Variants in SLC27A5 observed in about 807,000 individuals in gnomAD.
SLC27A5 encodes long-chain fatty acid transport protein 5.
In SLC27A5, 47 loss-of-function variants were observed where a neutral mutation model predicts 63.1. That is an observed-to-expected ratio of 0.74 (90% CI 0.59 to 0.95). SLC27A5 has a LOEUF of 0.95. SLC27A5 is among the 40% of genes least tolerant of loss of function. The pLI is 0.00. For missense variants in SLC27A5, 940 were observed against 921.0 expected (o/e 1.02, Z -0.27); for synonymous variants, 391 against 403.8 (o/e 0.97, Z 0.38).
intron 2 of SLC27A5, 100 bp downstream of exon 2, chr19:58,510,621 A>T: frequency 9.9e-7 from 1 of 1,015,140 alleles, no homozygotes; most frequent in Non-Finnish European, 1.4e-6. Context: ...ATCAGAGGGT[A>T]AAGTGGTTTC....
In SLC27A5 at chr19:58,511,614, G is replaced by C. The variant is rs749479834; in HGVS notation, c.342C>G (p.Asp114Glu). ...IRGCLSRQPP[D>E]TFVDAFERRA... ...GCCGCTCGAAGGCATCTACAAAGGT[G>C]TCAGGCGGCTGCCGGCTCAAGCATC... The change falls in exon 1 of 10, where the codon GAC (aspartate) becomes GAG (glutamate). Residue 114 changes from aspartate to glutamate, a missense_variant. Asp to Glu is a conservative substitution (Grantham distance 45). Transcript: ENST00000263093. The C allele has an allele frequency of 6.3e-7, 1 of 1,595,648 alleles. No individual in the cohort carries two copies.
rs1282438176 is a variant in SLC27A5, at chr19:58,509,868, T to G, written c.1036A>C (p.Ile346Leu). Residue 346 changes from isoleucine (I) to leucine (L), a missense_variant, in exon 3 of 10, where the codon ATC becomes CTC. Transcript: ENST00000263093. ...TTACCGAGATCTAAGCAGCCGAGGA[T>G]CCCAACGACAAGTCCCATCACGTGG... Reference protein sequence around the residue: ...LYHVMGLVVGILGCLDLGATC... With the variant: ...LYHVMGLVVGLLGCLDLGATC... 6 of 1,612,438 alleles carry G rather than the reference T, an allele frequency of 3.7e-6. No individual in the cohort carries two copies. In the African/African-American group the frequency reaches 8.0e-5, roughly 22 times the overall value.
Position 58,501,374 on chromosome 19 carries a change from G to A in SLC27A5, c.1094C>T (p.Ser365Phe), listed in dbSNP as rs759500940. 1.9e-6 allele frequency: 3 copies of A among 1,613,624 alleles called. No individual in the cohort carries two copies. The highest frequency in any genetic ancestry group is 2.5e-6 in the Non-Finnish European group (3 of 1,179,794). Residue 365 changes from serine (S) to phenylalanine (F), a missense_variant, in exon 4 of 10, where the codon TCC becomes TTC. Coordinates refer to ENST00000263093, the MANE Select transcript of SLC27A5 (RefSeq NM_012254.3). The part of the protein sequence containing the change: ...TCVLAPKFST[S>F]CFWDDCRQHG... ...CTGCCGACAGTCATCCCAGAAGCAG[G>A]AAGTAGAGAACTTGGGGGCCAGAAC... is the stretch of plus-strand genomic sequence containing the variant.
At position 58,511,270 on chromosome 19, in the gene SLC27A5, G is replaced by C. The variant is rs1387581759; in HGVS notation, c.686C>G (p.Pro229Arg). Residue 229 changes from proline to arginine, a missense_variant and splice_region_variant, in exon 1 of 10, where the codon CCA (proline) becomes CGA (arginine). Pro to Arg is a moderately radical substitution (Grantham distance 103). Transcript: ENST00000263093. ...TCCACTGGCTCCAAGGCCCTCACCT[G>C]GGTCCACCACCAGCACCCGGGCCCC... is the stretch of plus-strand genomic sequence containing the variant. ...SSGARVLVVDPDLRESLEEIL... is the reference protein window; with the variant it reads ...SSGARVLVVDRDLRESLEEIL... The C allele has an allele frequency of 1.9e-6, 3 of 1,541,516 alleles. No individual in the cohort carries two copies. Among genetic ancestry groups the C allele is most frequent in the Non-Finnish European group, 2.6e-6 (3 of 1,140,262 alleles).
rs559736570 is a variant in SLC27A5, at chr19:58,499,386, C to A, written c.1667+106G>T. ...TGAGAAGTCCTGACTCCAAGTTCCG[C>A]CCTCTTACGACAGGAAAGTCCCGCC... is the stretch of plus-strand genomic sequence containing the variant. On this transcript the variant is annotated intron_variant, in intron 7 of 9. Transcript: ENST00000263093. The A allele has an allele frequency of 3.4e-4, 474 of 1,389,062 alleles. 2 individuals are homozygous for A. The African/African-American group carries it at 5.7e-3, about 17-fold the overall frequency. 86.0% of individuals were successfully genotyped at this position (1,389,062 alleles called of 1,614,324 possible). A position where few individuals can be genotyped will look rare whatever the true frequency, so the allele number is the denominator to read the frequency against.
chr19:58,503,914 A>T (rs112542043), intron 3 of SLC27A5, among the ~76,000 whole-genome samples: 1,660 of 152,296 alleles, frequency 0.011, 32 homozygotes, highest in African/African-American at 0.037. Flanking sequence ...GAAGTTCAAG[A>T]CCAGACTGGC....
intron 1 of SLC27A5, 39 bp from the exon 2 acceptor site, chr19:58,510,969 C>T (rs1441504901): frequency 2.0e-5 from 30 of 1,512,768 alleles, no homozygotes; most frequent in Non-Finnish European, 2.5e-5. Context: ...AGGCAAGGCT[C>T]ACCTTTGAGG....
chr19:58,501,039 G>A (rs895455236), intron 4 of SLC27A5: 2 of 1,218,924 alleles, frequency 1.6e-6, no homozygotes, highest in Non-Finnish European at 2.1e-6. Flanking sequence ...ATTTTTAATG[G>A]AAATTCTCAT....
Position 58,511,444 on chromosome 19 carries a change from G to A in SLC27A5, c.512C>T (p.Ala171Val). 2.5e-6 allele frequency: 4 copies of A among 1,600,068 alleles called. No individual in the cohort carries two copies. The highest frequency in any genetic ancestry group is 3.4e-6 in the Non-Finnish European group (4 of 1,173,720). Residue 171 changes from alanine (A) to valine (V), a missense_variant, in exon 1 of 10, where the codon GCC (alanine) becomes GTC (valine). Coordinates refer to ENST00000263093, the MANE Select transcript of SLC27A5 (RefSeq NM_012254.3). The stretch of plus-strand genomic sequence containing the variant: ...CACAAGGAGGGCAGTAGGCTCCCCG[G>A]CACACAGGCTCGCAGGGTCACCCAG... The part of the protein sequence containing the change: ...AELGDPASLC[A>V]GEPTALLVLA...
rs752583756 is a variant in SLC27A5 at position 58,501,393 on chromosome 19, C to G, written c.1075G>C (p.Ala359Pro). The part of the protein sequence containing the change: ...CLDLGATCVL[A>P]PKFSTSCFWD... Reference sequence around the variant, plus strand: ...AAGCAGGAAGTAGAGAACTTGGGGGCCAGAACACAGGTGGCTCCTGGGAGA... The same window carrying G: ...AAGCAGGAAGTAGAGAACTTGGGGGGCAGAACACAGGTGGCTCCTGGGAGA... Residue 359 changes from alanine (A) to proline (P), a missense_variant, in exon 4 of 10, where the codon GCC becomes CCC. Ala to Pro is a conservative substitution (Grantham distance 27). Coordinates refer to ENST00000263093, the MANE Select transcript of SLC27A5 (RefSeq NM_012254.3). 1 of 1,613,360 alleles carries G rather than the reference C, an allele frequency of 6.2e-7. No individual in the cohort carries two copies. The highest frequency in any genetic ancestry group is 1.3e-5 in the African/African-American group (1 of 75,000).
chr19:58,510,189 G>C, intron 2 of SLC27A5, 184 bp from the exon 3 acceptor site: 1 of 553,494 alleles, frequency 1.8e-6, no homozygotes, highest in Non-Finnish European at 3.1e-6. Context: ...AATATGTCAA[G>C]ATCAAAGGTT....
At chr19:58,508,249 T>TA (rs1404884609) in intron 3 of SLC27A5, 1 of 152,136 alleles carries the variant, frequency 6.6e-6, no homozygotes, top group Non-Finnish European at 1.5e-5. Context: ...GGCCAGCACT[T>TA]ACGGAAAATA....
rs560843343 is a variant in SLC27A5 at position 58,511,947 on chromosome 19, G to A, written c.9C>T (p.Val3=). 5 of 1,537,790 alleles carry A rather than the reference G, an allele frequency of 3.3e-6. No homozygotes were observed. In the African/African-American group the frequency reaches 6.8e-5, roughly 21 times the overall value. The change falls in exon 1 of 10, where the codon GTC becomes GTT. Residue 3 remains valine (V), a synonymous_variant. Coordinates refer to ENST00000263093, the MANE Select transcript of SLC27A5 (RefSeq NM_012254.3). The part of the protein sequence containing the change: MG[V]RQQLALLLLL... ...GCAGCAGCAAGGCCAACTGTTGCCTGACACCCATGGTACCAGCTCCTCCCT... is the reference window on the plus strand; with the variant it reads ...GCAGCAGCAAGGCCAACTGTTGCCTAACACCCATGGTACCAGCTCCTCCCT...
intron 3 of SLC27A5, among the ~76,000 whole-genome samples, chr19:58,503,788 TAAAAAC>T (rs757404075): frequency 4.1e-5 from 6 of 147,986 alleles, no homozygotes; most frequent in Non-Finnish European, 7.5e-5. Flanking sequence ...GTTTAATTGT[TAAAAAC>T]AAACAAACAA....
chr19:58,511,149 A>T, intron 1 of SLC27A5, 119 bp downstream of exon 1: 1 of 1,126,898 alleles, frequency 8.9e-7, no homozygotes, highest in Non-Finnish European at 1.2e-6. Context: ...TCTTGATTAT[A>T]ATTGCCTGTG....
At chr19:58,502,769 G>A (rs1419875593) in intron 3 of SLC27A5, among the ~76,000 whole-genome samples, 4 of 150,762 alleles carry the variant, frequency 2.7e-5, no homozygotes, top group Non-Finnish European at 5.9e-5. Flanking sequence ...GTAGATGGAT[G>A]GGTGGACAGT....
At chr19:58,504,763 T>C (rs879437126) in intron 3 of SLC27A5, among the ~76,000 whole-genome samples, 1 of 151,766 alleles carries the variant, frequency 6.6e-6, no homozygotes. Flanking sequence ...CCCAGCACTT[T>C]GGGAGGCCGA....
At chr19:58,504,993 G>A (rs546235038) in intron 3 of SLC27A5, among the ~76,000 whole-genome samples, 4 of 150,006 alleles carry the variant, frequency 2.7e-5, no homozygotes, top group East Asian at 2.0e-4. Flanking sequence ...GCGACAGAGC[G>A]AGACTCCATC....
chr19:58,501,143 G>C, intron 4 of SLC27A5, 143 bp downstream of exon 4: 1 of 1,287,632 alleles, frequency 7.8e-7, no homozygotes, highest in Non-Finnish European at 1.1e-6. Flanking sequence ...TGGAAGCCTT[G>C]TCTGAAACTC....
Sources: allele counts gnomAD v4.1 joint callset (sites outside exome capture counted in the v4.1 genomes callset), GRCh38; gene constraint gnomAD v4.1.1; transcripts MANE v1.5; gene names NCBI Gene and HGNC (gene_info 2026-07-23, HGNC 2026-07-21).